Variants in IL1RAPL1 observed in about 807,000 individuals in gnomAD.
IL1RAPL1 encodes the protein interleukin 1 receptor accessory protein like 1.
A neutral mutation model predicts 48.4 loss-of-function variants in IL1RAPL1; 3 were observed. The observed-to-expected ratio is 0.06, with a 90% CI of 0.03 to 0.16. The LOEUF is 0.16. Among genes scored for constraint, IL1RAPL1 ranks in the 10% least tolerant of loss-of-function variants. IL1RAPL1 has a pLI of 1.00. For missense variants in IL1RAPL1, 349 were observed against 530.6 expected (o/e 0.66, Z 3.36); for synonymous variants, 185 against 187.7 (o/e 0.99, Z 0.12).
At chrX:29,506,907 T>A (rs186631186) in intron 5 of IL1RAPL1, among the ~76,000 whole-genome samples, 2,532 of 110,790 alleles carry the variant, frequency 0.023, 71 homozygotes, top group African/African-American at 0.08. Flanking sequence ...CTCACCTCAA[T>A]CTCACTTTCA....
Position 29,141,644 on chromosome X carries a change from G to A in IL1RAPL1, c.83-141294G>A, listed in dbSNP as rs181374110. On this transcript the variant is annotated intron_variant, in intron 2 of 10. Coordinates refer to ENST00000378993, the MANE Select transcript of IL1RAPL1 (RefSeq NM_014271.4). The stretch of plus-strand genomic sequence containing the variant: ...AATGCTTTATTAATGAGCAAAATTG[G>A]GGCATTTTATCTTCTGGGTGAGAAA... Among the ~76,000 whole-genome samples, 7 of 111,296 alleles carry A rather than the reference G, an allele frequency of 6.3e-5. No homozygotes were observed. The East Asian group carries it at 2.0e-3, about 31-fold the overall frequency.
intron 1 of IL1RAPL1, among the ~76,000 whole-genome samples, chrX:28,781,424 A>T (rs1291401518): frequency 3.6e-5 from 4 of 109,618 alleles, no homozygotes; most frequent in African/African-American, 6.6e-5. Flanking sequence ...GTTGAAAGCC[A>T]AAAGGAAATA....
intron 1 of IL1RAPL1, among the ~76,000 whole-genome samples, chrX:28,676,492 G>A (rs759101735): frequency 1.6e-3 from 184 of 111,626 alleles, no homozygotes; most frequent in Non-Finnish European, 2.4e-3. Flanking sequence ...CAGCACTTTG[G>A]GAGGCTGAGG....
chrX:28,906,566 C>T (rs1470915125), intron 2 of IL1RAPL1, among the ~76,000 whole-genome samples: 2 of 111,614 alleles, frequency 1.8e-5, no homozygotes, highest in Non-Finnish European at 3.8e-5. Context: ...GTTTGAGTGC[C>T]TCAAAACAAA....
Position 29,743,644 on chromosome X carries a change from C to T in IL1RAPL1, c.778+75140C>T, listed in dbSNP as rs1323595369. On this transcript the variant is annotated intron_variant, in intron 6 of 10. Transcript: ENST00000378993. ...GGATTACAGGCACACACCACCATGCCCAGCTAACTTTTGTATTTTTAGTAC... is the reference window on the plus strand; with the variant it reads ...GGATTACAGGCACACACCACCATGCTCAGCTAACTTTTGTATTTTTAGTAC... Among the ~76,000 whole-genome samples the T allele has an allele frequency of 9.9e-5, 11 of 111,009 alleles. No homozygotes were observed. In the Admixed American group the frequency reaches 1.1e-3, roughly 11 times the overall value.
chrX:29,559,410 T>C (rs753745007), intron 5 of IL1RAPL1, among the ~76,000 whole-genome samples: 2 of 112,210 alleles, frequency 1.8e-5, no homozygotes, highest in Non-Finnish European at 3.8e-5. Context: ...GCATTAATTC[T>C]TCTTTAAAAG....
chrX:29,120,962 A>G (rs1035694281), intron 2 of IL1RAPL1, among the ~76,000 whole-genome samples: 3 of 112,292 alleles, frequency 2.7e-5, no homozygotes, highest in African/African-American at 9.7e-5. Context: ...GTAATCTAAA[A>G]TATCAATGGA....
intron 2 of IL1RAPL1, among the ~76,000 whole-genome samples, chrX:29,153,224 G>A (rs1041563854): frequency 5.4e-5 from 6 of 111,283 alleles, no homozygotes; most frequent in Admixed American, 9.7e-5. Flanking sequence ...ATACCCTTGC[G>A]ATTACACTGG....
At chrX:28,938,270 A>G (rs1255807611) in intron 2 of IL1RAPL1, among the ~76,000 whole-genome samples, 1 of 111,551 alleles carries the variant, frequency 9.0e-6, no homozygotes, top group Non-Finnish European at 1.9e-5. Context: ...CAAGCTATAC[A>G]ACAGAGCTAC....
intron 2 of IL1RAPL1, among the ~76,000 whole-genome samples, chrX:28,960,226 C>T (rs1470896269): frequency 9.0e-6 from 1 of 111,569 alleles, no homozygotes. Flanking sequence ...GTTCCTATTA[C>T]TCATTAATTT....
At chrX:29,503,303 CTATATTCCAG>C (rs1263930545) in intron 5 of IL1RAPL1, among the ~76,000 whole-genome samples, 10 of 111,395 alleles carry the variant, frequency 9.0e-5, no homozygotes, top group Non-Finnish European at 1.9e-4. Flanking sequence ...AGAGGGTCTC[CTATATTCCAG>C]GGTTTTGTTT....
chrX:29,852,193 A>T (rs1435616760), intron 6 of IL1RAPL1, among the ~76,000 whole-genome samples: 3 of 112,987 alleles, frequency 2.7e-5, no homozygotes, highest in Non-Finnish European at 5.6e-5. Context: ...CTGATTCATT[A>T]AATGAAATGG....
At chrX:28,800,848 T>C (rs1480937042) in intron 2 of IL1RAPL1, among the ~76,000 whole-genome samples, 1 of 25,763 alleles carries the variant, frequency 3.9e-5, no homozygotes, top group African/African-American at 3.0e-4. Flanking sequence ...TTAAAGGGAT[T>C]TTATTTATTT....
chrX:29,037,314 A>G lies in IL1RAPL1; in HGVS notation c.83-245624A>G, dbSNP rs1158811853. Among the ~76,000 whole-genome samples the G allele has an allele frequency of 2.9e-4, 32 of 111,840 alleles. No homozygotes were observed. The Admixed American group carries it at 3.0e-3, about 11-fold the overall frequency. ...ATCTGAATTCCTAACAATGTCTTTT[A>G]GATTAATATGTTTTGGTTATTGACA... On this transcript the variant is annotated intron_variant, in intron 2 of 10. Transcript: ENST00000378993.
chrX:28,682,299 T>C (rs1935069416), intron 1 of IL1RAPL1, among the ~76,000 whole-genome samples: 1 of 110,967 alleles, frequency 9.0e-6, no homozygotes, highest in Non-Finnish European at 1.9e-5. Flanking sequence ...TGTTATTGTT[T>C]TTGTTTGTTT....
At chrX:29,854,525 G>C (rs960863112) in intron 6 of IL1RAPL1, among the ~76,000 whole-genome samples, 3 of 111,507 alleles carry the variant, frequency 2.7e-5, no homozygotes, top group Admixed American at 9.6e-5. Context: ...GAATTGACAA[G>C]CCACCCAAGG....
intron 1 of IL1RAPL1, among the ~76,000 whole-genome samples, chrX:28,719,548 G>C (rs1186526071): frequency 9.1e-6 from 1 of 109,982 alleles, no homozygotes. Flanking sequence ...TGTAAGCTTT[G>C]GAGGTTTTTG....
At chrX:29,475,367 T>C (rs1934961806) in intron 5 of IL1RAPL1, among the ~76,000 whole-genome samples, 1 of 112,113 alleles carries the variant, frequency 8.9e-6, no homozygotes, top group Non-Finnish European at 1.9e-5. Flanking sequence ...CTTTTTAGCA[T>C]CTATGTGTGA....
rs980726322 is a variant in IL1RAPL1 at position 28,704,836 on chromosome X, A to C, written c.-24-84484A>C. ...CACACACACACACACACACACAAAA[A>C]AAAAAAAAAAAAACTGTGACTGGAG... On this transcript the variant is annotated intron_variant, in intron 1 of 10. Coordinates refer to ENST00000378993, the MANE Select transcript of IL1RAPL1 (RefSeq NM_014271.4). Among the ~76,000 whole-genome samples the C allele has an allele frequency of 1.6e-3, 165 of 101,745 alleles. 1 individual carries two copies. Among genetic ancestry groups the C allele is most frequent in the African/African-American group, 4.6e-3 (120 of 26,018 alleles). The allele number at this position is 101,745 out of a possible 115,157, so 88.4% of individuals were successfully genotyped here.
Sources: gnomAD v4.1 joint callset for allele counts (sites outside exome capture counted in the v4.1 genomes callset) on GRCh38, gnomAD v4.1.1 for gene constraint, MANE v1.5 for transcripts, NCBI Gene and HGNC (gene_info 2026-07-23, HGNC 2026-07-21) for gene names.